The following DDC variants were observed in gnomAD, a reference collection of about 807,000 sequenced individuals.
The protein encoded by DDC is aromatic-L-amino-acid decarboxylase.
A neutral mutation model predicts 60.0 loss-of-function variants in DDC; 43 were observed. That is an observed-to-expected ratio of 0.72 (90% CI 0.56 to 0.92). DDC has a LOEUF of 0.92. DDC is among the 40% of genes least tolerant of loss of function. The probability of loss-of-function intolerance (pLI) is 0.00; values close to 1 mark genes in which losing one functional copy is unlikely to be tolerated. For synonymous variants in DDC, 232 were observed against 234.6 expected (o/e 0.99, Z 0.10); for missense variants, 573 against 620.2 (o/e 0.92, Z 0.81).
intron 1 of DDC, among the ~76,000 whole-genome samples, chr7:50,552,888 G>A (rs10247443): frequency 0.33 from 50,463 of 152,006 alleles, 8,936 homozygotes; most frequent in East Asian, 0.48. Context: ...TATGGCTCAG[G>A]AGCCACAGCC....
chr7:50,458,931 C>T (rs1228706925), intron 14 of DDC, 88 bp from the exon 15 acceptor site: 3 of 151,218 alleles, frequency 2.0e-5, no homozygotes, highest in African/African-American at 4.9e-5. Flanking sequence ...TCTCCCTTTC[C>T]CTCTCCCTCT....
In DDC at chr7:50,528,221, G is replaced by A; in HGVS notation, c.630C>T (p.Pro210=). Residue 210 remains proline (P), a synonymous_variant, in exon 6 of 15, where the codon CCC becomes CCT. Coordinates refer to ENST00000444124, the MANE Select transcript of DDC (RefSeq NM_001082971.2). ...LIGGVKLKAI[P]SDGNFAMRAS... The stretch of plus-strand genomic sequence containing the variant: ...CACGCATGGCGAAGTTGCCATCTGA[G>A]GGGATGGCTTTTAATTTCACTCCAC... 6.2e-7 allele frequency: 1 copy of A among 1,614,128 alleles called. No individual in the cohort carries two copies. Among genetic ancestry groups the A allele is most frequent in the South Asian group, 1.1e-5 (1 of 91,082 alleles).
chr7:50,537,044 T>TTTTG (rs2044438115), intron 4 of DDC, among the ~76,000 whole-genome samples: 2 of 152,002 alleles, frequency 1.3e-5, no homozygotes, highest in African/African-American at 4.8e-5. Flanking sequence ...GTTGTTTTTT[T>TTTTG]TTTTTTTTTT....
Position 50,528,181 on chromosome 7 carries a change from C to G in DDC, c.670G>C (p.Glu224Gln). ...GCCGCTTTGTCTCTCTCCAGGGCTT[C>G]CTGCAGGGCAGACGCACGCATGGCG... Reference protein sequence around the residue: ...NFAMRASALQEALERDKAAGL... With the variant: ...NFAMRASALQQALERDKAAGL... The change falls in exon 6 of 15, where the codon GAA (glutamate) becomes CAA (glutamine). Residue 224 changes from glutamate (E) to glutamine (Q), a missense_variant. Transcript: ENST00000444124. 1 of 1,613,822 alleles carries G rather than the reference C, an allele frequency of 6.2e-7. No individual in the cohort carries two copies. Among genetic ancestry groups the G allele is most frequent in the Non-Finnish European group, 8.5e-7 (1 of 1,180,036 alleles).
intron 14 of DDC, among the ~76,000 whole-genome samples, chr7:50,461,982 C>A (rs570071397): frequency 6.6e-6 from 1 of 152,222 alleles, no homozygotes; most frequent in Admixed American, 6.5e-5. Flanking sequence ...ATCACATATA[C>A]CAAACATGAT....
At chr7:50,548,757 G>A (rs2044886164) in intron 1 of DDC, among the ~76,000 whole-genome samples, 1 of 152,162 alleles carries the variant, frequency 6.6e-6, no homozygotes, top group South Asian at 2.1e-4. Flanking sequence ...GGTGGCTACG[G>A]TAAACCATAG....
At chr7:50,563,655 G>T (rs2045383858) in intron 1 of DDC, among the ~76,000 whole-genome samples, 2 of 152,110 alleles carry the variant, frequency 1.3e-5, no homozygotes, top group African/African-American at 4.8e-5. Flanking sequence ...AGGCTGAAGT[G>T]CAGTGACTCG....
intron 11 of DDC, among the ~76,000 whole-genome samples, chr7:50,473,904 G>A (rs544829268): frequency 1.3e-5 from 2 of 152,246 alleles, no homozygotes; most frequent in Non-Finnish European, 2.9e-5. Context: ...CGTGGTCTGC[G>A]CCTCTGTCTC....
chr7:50,524,359 T>C (rs1192051250), intron 6 of DDC, among the ~76,000 whole-genome samples: 1 of 152,252 alleles, frequency 6.6e-6, no homozygotes, highest in Non-Finnish European at 1.5e-5. Flanking sequence ...ATCACACTAC[T>C]GCAGGATGCT....
intron 11 of DDC, among the ~76,000 whole-genome samples, chr7:50,476,052 G>A (rs561265309): frequency 6.6e-6 from 1 of 152,260 alleles, no homozygotes; most frequent in Non-Finnish European, 1.5e-5. Flanking sequence ...TTCCCCCTGA[G>A]TTTCACCCTC....
intron 1 of DDC, among the ~76,000 whole-genome samples, chr7:50,557,366 C>A (rs1358498554): frequency 6.6e-6 from 1 of 152,162 alleles, no homozygotes; most frequent in East Asian, 1.9e-4. Context: ...CATGCTGTGA[C>A]CTTAGTTAAT....
chr7:50,543,946 G>T lies in DDC; in HGVS notation c.140C>A (p.Pro47His), dbSNP rs780542462. Residue 47 changes from proline (P) to histidine (H), a missense_variant, in exon 2 of 15, where the codon CCT (proline) becomes CAT (histidine). Pro to His is a moderately conservative substitution (Grantham distance 77, BLOSUM62 -2). Coordinates refer to ENST00000444124, the MANE Select transcript of DDC (RefSeq NM_001082971.2). ...GTCCTCAAACGTGTCTGGCTCCTGA[G>T]GGGCAGCGGCAGGGATCAGCGGCCG... ...YLRPLIPAAA[P>H]QEPDTFEDII... The T allele has an allele frequency of 3.7e-6, 6 of 1,614,158 alleles. No individual in the cohort carries two copies. The South Asian group carries it at 4.4e-5, about 12-fold the overall frequency.
At chr7:50,496,882 G>C (rs1328206120) in intron 8 of DDC, among the ~76,000 whole-genome samples, 4 of 152,136 alleles carry the variant, frequency 2.6e-5, no homozygotes, top group Non-Finnish European at 4.4e-5. Context: ...GGAGGCATTT[G>C]GTTGGTGGAT....
chr7:50,499,984 G>T (rs577069138), intron 7 of DDC, among the ~76,000 whole-genome samples: 1 of 152,208 alleles, frequency 6.6e-6, no homozygotes, highest in Non-Finnish European at 1.5e-5. Flanking sequence ...ATAGGCCCAA[G>T]GGATGAGCAA....
chr7:50,494,207 G>A (rs2043070907), intron 9 of DDC, among the ~76,000 whole-genome samples: 1 of 152,156 alleles, frequency 6.6e-6, no homozygotes, highest in Admixed American at 6.5e-5. Context: ...GTATTATCAT[G>A]CTGTTATTAA....
chr7:50,562,482 C>T (rs1336876013), intron 1 of DDC, among the ~76,000 whole-genome samples: 1 of 152,242 alleles, frequency 6.6e-6, no homozygotes, highest in African/African-American at 2.4e-5. Flanking sequence ...AGGCAGGCCC[C>T]AGCCGTGAGC....
In DDC at chr7:50,536,737, A is replaced by C. The variant is rs11575325; in HGVS notation, c.435+1123T>G. Among the ~76,000 whole-genome samples the C allele has an allele frequency of 4.5e-3, 681 of 152,362 alleles. 3 individuals carry two copies. Among genetic ancestry groups the C allele is most frequent in the Non-Finnish European group, 5.0e-3 (338 of 68,042 alleles). ...ATAGAAACAAATACATAAAATTATC[A>C]GTCTTGTTGCTCATTCTCAGGACTG... On this transcript the variant is annotated intron_variant, in intron 4 of 14. Coordinates refer to ENST00000444124, the MANE Select transcript of DDC (RefSeq NM_001082971.2).
chr7:50,486,721 A>T (rs888721257), intron 9 of DDC, among the ~76,000 whole-genome samples: 17 of 152,188 alleles, frequency 1.1e-4, no homozygotes, highest in Admixed American at 5.9e-4. Flanking sequence ...TATGGTGGGG[A>T]CTTTGAAAGG....
At chr7:50,562,119 A>G (rs1325301877) in intron 1 of DDC, among the ~76,000 whole-genome samples, 1 of 152,218 alleles carries the variant, frequency 6.6e-6, no homozygotes, top group Non-Finnish European at 1.5e-5. Flanking sequence ...TTTTCAAGGA[A>G]GAAGCTACCC....
Sources: allele counts gnomAD v4.1 joint callset (sites outside exome capture counted in the v4.1 genomes callset), GRCh38; gene constraint gnomAD v4.1.1; transcripts MANE v1.5; gene names NCBI Gene and HGNC (gene_info 2026-07-23, HGNC 2026-07-21).